PPFIBP2: variants seen among roughly 807,000 people sequenced by gnomAD.
PPFIBP2 encodes the protein liprin-beta-2.
Under a neutral mutation model 118.3 loss-of-function variants are expected in PPFIBP2, and 118 were observed. That is an observed-to-expected ratio of 1.00 (90% CI 0.86 to 1.16). The LOEUF is 1.16. Among genes scored for constraint, PPFIBP2 ranks in the 50% most tolerant of loss-of-function variants. PPFIBP2 has a pLI of 0.00. For synonymous variants in PPFIBP2, 414 were observed against 397.4 expected, an observed-to-expected ratio of 1.04 and a Z score of -0.50; for missense variants, 1,195 against 1,073.1, an observed-to-expected ratio of 1.11 and a Z score of -1.59.
chr11:7,598,287 T>C (rs4758206), intron 5 of PPFIBP2: 277,046 of 312,504 alleles, frequency 0.89, 124,303 homozygotes, highest in East Asian at 0.96. Context: ...CTTAATATTA[T>C]ATTTTTCCCA....
chr11:7,610,176 A>G (rs1207877813), intron 5 of PPFIBP2, 115 bp from the exon 6 acceptor site: 3 of 1,317,752 alleles, frequency 2.3e-6, no homozygotes, highest in Non-Finnish European at 1.1e-6. Context: ...TAGCAGTCTC[A>G]ATTCTGTGTT....
chr11:7,615,302 C>CTCCA (rs1343801239), intron 6 of PPFIBP2, among the ~76,000 whole-genome samples: 1 of 148,982 alleles, frequency 6.7e-6, no homozygotes, highest in Non-Finnish European at 1.5e-5. Context: ...TGCCACTGCA[C>CTCCA]TCCAGCCTGG....
rs770282827 is a variant in PPFIBP2 at position 7,653,254 on chromosome 11, C to T, written c.*36C>T. ...ACCTGCCCTCTGTGCACCCTGAGAG[C>T]TCACAGTAACACTGTGTGTGTCACC... On this transcript the variant is annotated 3_prime_UTR_variant, in exon 24 of 24. Transcript: ENST00000299492. 1 of 1,612,668 alleles carries T rather than the reference C, an allele frequency of 6.2e-7. No individual in the cohort carries two copies. The highest frequency in any genetic ancestry group is 1.3e-5 in the African/African-American group (1 of 74,918).
At chr11:7,550,835 T>C (rs1276483424) in intron 2 of PPFIBP2, among the ~76,000 whole-genome samples, 1 of 152,040 alleles carries the variant, frequency 6.6e-6, no homozygotes, top group African/African-American at 2.4e-5. Flanking sequence ...CAGAAAAACA[T>C]GAAAAGTCTA....
At chr11:7,625,282 C>T (rs1379574277) in intron 7 of PPFIBP2, among the ~76,000 whole-genome samples, 1 of 152,076 alleles carries the variant, frequency 6.6e-6, no homozygotes, top group Non-Finnish European at 1.5e-5. Flanking sequence ...CTTGGCTTAC[C>T]TTTTCTTCAG....
intron 4 of PPFIBP2, chr11:7,597,349 G>A (rs1384958022): frequency 9.1e-6 from 14 of 1,535,786 alleles, no homozygotes; most frequent in Non-Finnish European, 1.2e-5. Flanking sequence ...TGTCATCAGA[G>A]CAGTGGCCGA....
chr11:7,635,978 G>T (rs1590730827), intron 14 of PPFIBP2, among the ~76,000 whole-genome samples: 1 of 152,272 alleles, frequency 6.6e-6, no homozygotes, highest in Non-Finnish European at 1.5e-5. Flanking sequence ...TGTACACTCA[G>T]TCCCGCTTTG....
intron 4 of PPFIBP2, among the ~76,000 whole-genome samples, chr11:7,596,550 G>T (rs1860346032): frequency 6.6e-6 from 1 of 152,038 alleles, no homozygotes; most frequent in Non-Finnish European, 1.5e-5. Flanking sequence ...TTTTAAACAG[G>T]CGCTTTATAA....
At chr11:7,656,899 G>A (rs750593798), downstream of PPFIBP2, 139 of 870,318 alleles carry the variant, frequency 1.6e-4, no homozygotes, top group Non-Finnish European at 1.9e-4. Context: ...AGCCCAGTCC[G>A]GGCTGGCAGG....
At chr11:7,519,926 A>C (rs1237576586) in intron 1 of PPFIBP2, among the ~76,000 whole-genome samples, 2 of 152,192 alleles carry the variant, frequency 1.3e-5, no homozygotes, top group Non-Finnish European at 2.9e-5. Context: ...AGGTGAGATC[A>C]GTGACTGATC....
At chr11:7,584,086 G>A (rs1052368500) in intron 3 of PPFIBP2, among the ~76,000 whole-genome samples, 3 of 152,190 alleles carry the variant, frequency 2.0e-5, no homozygotes, top group Non-Finnish European at 4.4e-5. Context: ...CTGCTGCAAA[G>A]GTTGATTTCT....
At chr11:7,619,592 A>G (rs1260192347) in intron 6 of PPFIBP2, among the ~76,000 whole-genome samples, 3 of 152,256 alleles carry the variant, frequency 2.0e-5, no homozygotes, top group African/African-American at 4.8e-5. Context: ...GGAGCAACCA[A>G]TGAATTGACT....
chr11:7,547,315 C>G (rs772371787), intron 1 of PPFIBP2, among the ~76,000 whole-genome samples: 1 of 151,822 alleles, frequency 6.6e-6, no homozygotes, highest in Admixed American at 6.6e-5. Flanking sequence ...TTGGAGGGCT[C>G]GGGAGCAGAC....
intron 17 of PPFIBP2, among the ~76,000 whole-genome samples, chr11:7,643,572 G>A (rs190772637): frequency 2.4e-4 from 37 of 152,122 alleles, no homozygotes; most frequent in Admixed American, 1.5e-3. Context: ...GACGTATGAA[G>A]AAGTCCTGAT....
intron 8 of PPFIBP2, among the ~76,000 whole-genome samples, chr11:7,626,892 C>A (rs1850088749): frequency 6.6e-6 from 1 of 152,224 alleles, no homozygotes; most frequent in Admixed American, 6.5e-5. Flanking sequence ...GCAACAATGG[C>A]TTAGGCTGGA....
At chr11:7,576,139 C>T (rs528429378) in intron 3 of PPFIBP2, among the ~76,000 whole-genome samples, 2 of 152,344 alleles carry the variant, frequency 1.3e-5, no homozygotes, top group South Asian at 4.1e-4. Context: ...GCATGAAGGA[C>T]TGCTCTTCAG....
chr11:7,590,905 C>G (rs576632874), intron 3 of PPFIBP2, among the ~76,000 whole-genome samples: 2 of 152,190 alleles, frequency 1.3e-5, no homozygotes, highest in Non-Finnish European at 2.9e-5. Flanking sequence ...GAAGTTTCTC[C>G]CTTGCTCCGG....
intron 11 of PPFIBP2, among the ~76,000 whole-genome samples, chr11:7,631,733 A>C (rs1850785632): frequency 6.6e-6 from 1 of 152,168 alleles, no homozygotes; most frequent in Non-Finnish European, 1.5e-5. Flanking sequence ...AAGGAGCAAA[A>C]GCATCATCCA....
At chr11:7,518,013 C>T (rs1018165513) in intron 1 of PPFIBP2, among the ~76,000 whole-genome samples, 3 of 152,212 alleles carry the variant, frequency 2.0e-5, no homozygotes, top group Non-Finnish European at 4.4e-5. Flanking sequence ...GTACTTGAAA[C>T]AGGCGCCAGG....
Sources: allele counts gnomAD v4.1 joint callset (sites outside exome capture counted in the v4.1 genomes callset), GRCh38; gene constraint gnomAD v4.1.1; transcripts MANE v1.5; gene names NCBI Gene and HGNC (gene_info 2026-07-23, HGNC 2026-07-21).